Variants in XRN1 observed in about 807,000 individuals in gnomAD.
The protein encoded by XRN1 is 5'-3' exoribonuclease 1.
XRN1 carries 67 observed loss-of-function variants against 222.3 expected under a neutral mutation model. The observed-to-expected ratio is 0.30, with a 90% confidence interval of 0.25 to 0.37. The LOEUF is 0.37. XRN1 is among the 10% of genes least tolerant of loss of function. XRN1 has a pLI of 1.00. For missense variants in XRN1, 1,707 were observed against 2,000.2 expected, an observed-to-expected ratio of 0.85 and a Z score of 2.80; for synonymous variants, 643 against 652.4, an observed-to-expected ratio of 0.99 and a Z score of 0.22.
At chr3:142,359,117 T>C (rs193068867) in intron 30 of XRN1, among the ~76,000 whole-genome samples, 150 of 152,338 alleles carry the variant, frequency 9.8e-4, no homozygotes, top group African/African-American at 3.4e-3. Context: ...GCCTCTCATT[T>C]TATCATGATA....
At chr3:142,346,696 G>A (rs2066152670) in intron 33 of XRN1, among the ~76,000 whole-genome samples, 1 of 152,076 alleles carries the variant, frequency 6.6e-6, no homozygotes, top group Non-Finnish European at 1.5e-5. Context: ...GCCCAGGCTG[G>A]TCTTGAACTC....
At position 142,329,559 on chromosome 3, in the gene XRN1, C is replaced by T. The variant is rs1295740744; in HGVS notation, c.4279G>A (p.Asp1427Asn). The T allele has an allele frequency of 6.3e-7, 1 of 1,596,662 alleles. No homozygotes were observed. The highest frequency in any genetic ancestry group is 8.5e-7 in the Non-Finnish European group (1 of 1,174,090). The change falls in exon 37 of 41, where the codon GAC (aspartate) becomes AAC (asparagine). Residue 1427 changes from aspartate to asparagine, a missense_variant. Coordinates refer to ENST00000392981, the MANE Select transcript of XRN1 (RefSeq NM_001282857.2). ...ANEYHNVQSM[D>N]NMCWPAPSQI... is the part of the protein sequence containing the mutation. ...CTGGGGGCAGGCCAACACATATTGT[C>T]CATAGACTGAACATTATGGTACTCA...
intron 35 of XRN1, 149 bp downstream of exon 35, chr3:142,332,818 A>T: frequency 8.0e-7 from 1 of 1,243,472 alleles, no homozygotes; most frequent in East Asian, 2.5e-5. Context: ...TAAATTGCCC[A>T]GGGCAGCCTG....
At chr3:142,398,490 T>C (rs1237437116) in intron 19 of XRN1, among the ~76,000 whole-genome samples, 1 of 151,802 alleles carries the variant, frequency 6.6e-6, no homozygotes, top group African/African-American at 2.4e-5. Context: ...CCTCAGTCTC[T>C]TGAGAAGCTA....
chr3:142,371,856 A>G (rs2067001116), intron 25 of XRN1, among the ~76,000 whole-genome samples: 1 of 152,232 alleles, frequency 6.6e-6, no homozygotes, highest in African/African-American at 2.4e-5. Context: ...AGAGAGACAG[A>G]TGAAAAATGA....
At chr3:142,439,864 C>T (rs1256382286) in intron 1 of XRN1, among the ~76,000 whole-genome samples, 1 of 152,138 alleles carries the variant, frequency 6.6e-6, no homozygotes, top group Non-Finnish European at 1.5e-5. Flanking sequence ...GCTTCCAGTG[C>T]GGTCCGCAAG....
intron 39 of XRN1, among the ~76,000 whole-genome samples, chr3:142,313,773 C>A (rs562502912): frequency 4.9e-4 from 74 of 152,262 alleles, no homozygotes; most frequent in African/African-American, 1.6e-3. Flanking sequence ...GTGGCTCATG[C>A]CTGTAATCCC....
intron 18 of XRN1, among the ~76,000 whole-genome samples, chr3:142,402,630 T>C (rs1040705398): frequency 1.3e-5 from 2 of 152,184 alleles, no homozygotes; most frequent in African/African-American, 4.8e-5. Context: ...ATGAATGACT[T>C]AGGGCATTAG....
intron 20 of XRN1, among the ~76,000 whole-genome samples, chr3:142,388,221 G>A (rs2067580505): frequency 6.6e-6 from 1 of 152,078 alleles, no homozygotes; most frequent in African/African-American, 2.4e-5. Flanking sequence ...TCAACATGAA[G>A]ACGAAGATGA....
chr3:142,432,660 C>A lies in XRN1; in HGVS notation c.308+1G>T. The A allele has an allele frequency of 6.3e-7, 1 of 1,578,918 alleles. No individual in the cohort carries two copies. Among genetic ancestry groups the A allele is most frequent in the Non-Finnish European group, 8.6e-7 (1 of 1,160,626 alleles). On this transcript the variant is annotated splice_donor_variant, in intron 2 of 40. Coordinates refer to ENST00000392981, the MANE Select transcript of XRN1 (RefSeq NM_001282857.2). LOFTEE classifies it high-confidence loss of function. ...TCCAAAATAAAACATAAATGTTTTACCTAAAACGCCTCCCACGCTGCTGGT... is the reference window on the plus strand; with the variant it reads ...TCCAAAATAAAACATAAATGTTTTAACTAAAACGCCTCCCACGCTGCTGGT...
intron 36 of XRN1, among the ~76,000 whole-genome samples, chr3:142,331,958 A>G (rs1030188731): frequency 3.2e-4 from 49 of 151,972 alleles, no homozygotes; most frequent in African/African-American, 1.1e-3. Flanking sequence ...TATTTTTTAG[A>G]GAGACAGAGT....
rs1407433787 is a variant in XRN1 at position 142,425,625 on chromosome 3, C to T, written c.407-87G>A. 16 of 1,100,734 alleles carry T rather than the reference C, an allele frequency of 1.5e-5. 1 individual carries two copies. Among genetic ancestry groups the T allele is most frequent in the South Asian group, 4.4e-5 (3 of 68,752 alleles). The allele number at this position is 1,100,734 out of a possible 1,614,324, so 68.2% of individuals were successfully genotyped here. On this transcript the variant is annotated intron_variant, in intron 3 of 40. Transcript: ENST00000392981. ...GACAACACATAACTGAATCTGAGTA[C>T]GCCGGGAATAGCTAGGTAGGTATAG...
chr3:142,430,157 C>T (rs2069460242), intron 2 of XRN1, among the ~76,000 whole-genome samples: 1 of 152,188 alleles, frequency 6.6e-6, no homozygotes, highest in Admixed American at 6.5e-5. Context: ...ATAGTTCTGC[C>T]ACTGGTGAGT....
chr3:142,376,606 A>C lies in XRN1; in HGVS notation c.2716-12T>G, dbSNP rs1284016127. 6.4e-7 allele frequency: 1 copy of C among 1,571,452 alleles called. No individual in the cohort carries two copies. The highest frequency in any genetic ancestry group is 1.2e-5 in the South Asian group (1 of 86,584). ...TTTATAGAATATTTCTTTAAATATA[A>C]AAACAAAAAGGTCAATTATGGAAAC... On this transcript the variant is annotated splice_polypyrimidine_tract_variant and intron_variant, in intron 23 of 40. Transcript: ENST00000392981.
chr3:142,351,418 T>G (rs1171057870), intron 32 of XRN1, among the ~76,000 whole-genome samples: 1 of 152,128 alleles, frequency 6.6e-6, no homozygotes, highest in African/African-American at 2.4e-5. Context: ...AAACTGAGAC[T>G]TGATCACACG....
At position 142,310,181 on chromosome 3, in the gene XRN1, T is replaced by C. The variant is rs533680488; in HGVS notation, c.*1330A>G. The C allele has an allele frequency of 3.9e-5, 6 of 152,618 alleles. No individual in the cohort carries two copies. The highest frequency in any genetic ancestry group is 1.4e-4 in the African/African-American group (6 of 41,534). The allele number at this position is 152,618 out of a possible 1,614,324, so 9.5% of individuals were successfully genotyped here. ...ATTTTAAAAAACAAGTAAGACTACT[T>C]TAAGAGTCATGGCAGAGTTTCCAAT... is the stretch of plus-strand genomic sequence containing the variant. On this transcript the variant is annotated 3_prime_UTR_variant, in exon 41 of 41. Transcript: ENST00000392981.
intron 33 of XRN1, among the ~76,000 whole-genome samples, chr3:142,340,655 G>T (rs1234987252): frequency 1.3e-5 from 2 of 151,992 alleles, no homozygotes; most frequent in Admixed American, 1.3e-4. Context: ...CAAAGATAAA[G>T]AAAAGATCAT....
intron 1 of XRN1, among the ~76,000 whole-genome samples, chr3:142,436,650 CTGA>C (rs1391043564): frequency 1.3e-5 from 2 of 151,966 alleles, no homozygotes; most frequent in African/African-American, 4.8e-5. Context: ...AAATAGAAAA[CTGA>C]TGATGGTACA....
At chr3:142,311,893 T>C in intron 40 of XRN1, 80 bp from the exon 41 acceptor site, 1 of 1,385,976 alleles carries the variant, frequency 7.2e-7, no homozygotes, top group Non-Finnish European at 9.8e-7. Flanking sequence ...AAACCATGCA[T>C]GCTGTTAATA....
Sources: gnomAD v4.1 joint callset for allele counts (sites outside exome capture counted in the v4.1 genomes callset) on GRCh38, gnomAD v4.1.1 for gene constraint, MANE v1.5 for transcripts, NCBI Gene and HGNC (gene_info 2026-07-23, HGNC 2026-07-21) for gene names.